The following SORCS2 variants were observed in gnomAD, a reference collection of about 807,000 sequenced individuals.
SORCS2 encodes the protein sortilin related VPS10 domain containing receptor 2.
SORCS2 carries 100 observed loss-of-function variants against 141.6 expected under a neutral mutation model. That is an observed-to-expected ratio of 0.71 (90% confidence interval 0.60 to 0.83). The LOEUF is 0.83. Ranked by LOEUF, SORCS2 falls within the 40% of genes least tolerant of loss-of-function variation. The pLI is 0.00. For missense variants in SORCS2, 1,646 were observed against 1,560.2 expected, an observed-to-expected ratio of 1.05 and a Z score of -0.93; for synonymous variants, 789 against 676.9, an observed-to-expected ratio of 1.17 and a Z score of -2.57.
intron 1 of SORCS2, among the ~76,000 whole-genome samples, chr4:7,290,790 GCATTCTTT>G (rs1553828726): frequency 2.8e-5 from 3 of 105,684 alleles, no homozygotes; most frequent in Admixed American, 8.9e-5. Flanking sequence ...TGCAGAGGCT[GCATTCTTT>G]CATTCATTCA....
chr4:7,725,016 G>GGTGGTGGTGGTGATGATAGTGGTA, intron 19 of SORCS2, 138 bp from the exon 20 acceptor site: 1 of 904,074 alleles, frequency 1.1e-6, no homozygotes, highest in South Asian at 1.6e-5. Context: ...TGGTGGTGGT[G>GGTGGTGGTGGTGATGATAGTGGTA]GTGGTGGTGG....
chr4:7,304,329 G>A (rs1177451987), intron 1 of SORCS2, among the ~76,000 whole-genome samples: 5 of 152,132 alleles, frequency 3.3e-5, no homozygotes, highest in Admixed American at 2.0e-4. Flanking sequence ...GTGATGGTTG[G>A]TGCTCCCTCT....
intron 3 of SORCS2, among the ~76,000 whole-genome samples, chr4:7,585,756 A>G (rs1232934937): frequency 6.6e-6 from 1 of 152,192 alleles, no homozygotes; most frequent in Non-Finnish European, 1.5e-5. Flanking sequence ...TACATCTCCA[A>G]GGACTGTTTG....
At chr4:7,577,758 A>T (rs1327616499) in intron 3 of SORCS2, among the ~76,000 whole-genome samples, 1 of 148,976 alleles carries the variant, frequency 6.7e-6, no homozygotes, top group Non-Finnish European at 1.5e-5. Context: ...TGGAGAAGTC[A>T]TATAGCATAC....
intron 4 of SORCS2, among the ~76,000 whole-genome samples, chr4:7,640,335 TGTGTGAGA>T (rs1234350254): frequency 2.0e-5 from 3 of 150,294 alleles, no homozygotes; most frequent in Admixed American, 1.3e-4. Context: ...CATGTGTGGG[TGTGTGAGA>T]GTGTGAGAGC....
At chr4:7,429,295 G>T (rs1726667061) in intron 2 of SORCS2, among the ~76,000 whole-genome samples, 1 of 152,172 alleles carries the variant, frequency 6.6e-6, no homozygotes, top group Non-Finnish European at 1.5e-5. Context: ...ATGTGGCTGG[G>T]GGCTCACAGC....
chr4:7,316,229 T>TCCAC (rs1181306330), intron 1 of SORCS2, among the ~76,000 whole-genome samples: 8 of 151,480 alleles, frequency 5.3e-5, no homozygotes, highest in African/African-American at 1.2e-4. Flanking sequence ...CATCCATCCA[T>TCCAC]CCATCCATCC....
chr4:7,309,697 C>A, intron 1 of SORCS2, among the ~76,000 whole-genome samples: 1 of 152,206 alleles, frequency 6.6e-6, no homozygotes, highest in Admixed American at 6.5e-5. Context: ...CACCTTCTTT[C>A]CTCGAGGCTC....
At chr4:7,614,795 T>A (rs997517857) in intron 3 of SORCS2, among the ~76,000 whole-genome samples, 2 of 150,232 alleles carry the variant, frequency 1.3e-5, no homozygotes, top group Admixed American at 6.6e-5. Flanking sequence ...AATCCATTCA[T>A]CCATCCACCT....
intron 2 of SORCS2, among the ~76,000 whole-genome samples, chr4:7,410,389 A>G (rs571169217): frequency 6.6e-6 from 1 of 152,354 alleles, no homozygotes; most frequent in South Asian, 2.1e-4. Context: ...ACAAGCATGG[A>G]AAGTCCTCTG....
chr4:7,666,419 C>T (rs1444788676), intron 7 of SORCS2, among the ~76,000 whole-genome samples: 1 of 152,204 alleles, frequency 6.6e-6, no homozygotes, highest in African/African-American at 2.4e-5. Flanking sequence ...AAAGCTCTCC[C>T]TACCCCAGCC....
rs141836214 is a variant in SORCS2 at position 7,732,506 on chromosome 4, C to T, written c.3109-816C>T. On this transcript the variant is annotated intron_variant, in intron 23 of 26. Transcript: ENST00000507866. ...CCACAAGGCTGGCTGCCTTTTGGCC[C>T]CTGCCCTCTCCAGCTATAGGTGCCC... Among the ~76,000 whole-genome samples the T allele has an allele frequency of 6.5e-4, 99 of 152,252 alleles. No homozygotes were observed. In the East Asian group the frequency reaches 0.019, roughly 29 times the overall value.
At chr4:7,388,107 G>A (rs80108367) in intron 1 of SORCS2, among the ~76,000 whole-genome samples, 2 of 150,942 alleles carry the variant, frequency 1.3e-5, no homozygotes, top group Non-Finnish European at 3.0e-5. Context: ...TGCATGCACA[G>A]ACACATGCAC....
intron 2 of SORCS2, among the ~76,000 whole-genome samples, chr4:7,407,130 G>A (rs976367202): frequency 2.6e-5 from 4 of 152,208 alleles, no homozygotes; most frequent in Admixed American, 2.0e-4. Flanking sequence ...AATGTTCTAT[G>A]TGCTGATGAA....
At chr4:7,689,664 G>A in intron 11 of SORCS2, 76 bp downstream of exon 11, 1 of 1,384,214 alleles carries the variant, frequency 7.2e-7, no homozygotes, top group South Asian at 1.3e-5. Context: ...AGGGTAAAAA[G>A]GGATGGTCAT....
chr4:7,712,164 C>T (rs1725863295), intron 14 of SORCS2, among the ~76,000 whole-genome samples: 2 of 152,238 alleles, frequency 1.3e-5, no homozygotes, highest in African/African-American at 4.8e-5. Flanking sequence ...CCTTGCTCAT[C>T]CTGTGGGCTC....
At chr4:7,737,289 GC>G in intron 26 of SORCS2, 117 bp downstream of exon 26, 1 of 1,433,234 alleles carries the variant, frequency 7.0e-7, no homozygotes, top group Non-Finnish European at 9.3e-7. Context: ...CAAAACGCTG[GC>G]CCAGCAGCCC....
intron 5 of SORCS2, among the ~76,000 whole-genome samples, chr4:7,656,568 T>A (rs1721792838): frequency 6.6e-6 from 1 of 152,230 alleles, no homozygotes; most frequent in Non-Finnish European, 1.5e-5. Flanking sequence ...TAAGTCCTGC[T>A]GCCCCCAAGC....
chr4:7,348,976 A>G (rs924643175), intron 1 of SORCS2, among the ~76,000 whole-genome samples: 1 of 152,204 alleles, frequency 6.6e-6, no homozygotes, highest in African/African-American at 2.4e-5. Flanking sequence ...CTCCTTCGTT[A>G]TAGACAGAAA....
Sources: allele counts gnomAD v4.1 joint callset (sites outside exome capture counted in the v4.1 genomes callset), GRCh38; gene constraint gnomAD v4.1.1; transcripts MANE v1.5; gene names NCBI Gene and HGNC (gene_info 2026-07-23, HGNC 2026-07-21).